Variants in UBAC2 observed in about 807,000 individuals in gnomAD.
UBAC2 encodes ubiquitin-associated domain-containing protein 2.
In UBAC2, 26 loss-of-function variants were observed where a neutral mutation model predicts 44.0. The observed-to-expected ratio is 0.59, with a 90% confidence interval of 0.43 to 0.82. The LOEUF (loss-of-function observed/expected upper bound fraction) is 0.82, where lower values mean the gene tolerates loss of function less well. Ranked by LOEUF, UBAC2 falls within the 40% of genes least tolerant of loss-of-function variation. UBAC2 has a pLI of 0.00. For missense variants in UBAC2, 329 were observed against 419.4 expected, an observed-to-expected ratio of 0.78 and a Z score of 1.88; for synonymous variants, 155 against 154.3, an observed-to-expected ratio of 1.00 and a Z score of -0.04.
intron 1 of UBAC2, among the ~76,000 whole-genome samples, chr13:99,222,500 A>G (rs952657461): frequency 6.6e-6 from 1 of 152,228 alleles, no homozygotes; most frequent in Non-Finnish European, 1.5e-5. Context: ...TATATTAGTA[A>G]TTAATAATTG....
chr13:99,366,496 T>G (rs2045332411), intron 7 of UBAC2, among the ~76,000 whole-genome samples: 1 of 152,224 alleles, frequency 6.6e-6, no homozygotes, highest in Non-Finnish European at 1.5e-5. Flanking sequence ...ACTTTTTTGA[T>G]GGGTTCTGAG....
intron 1 of UBAC2, among the ~76,000 whole-genome samples, chr13:99,227,664 G>GT (rs778660837): frequency 1.6e-4 from 25 of 152,126 alleles, no homozygotes; most frequent in Admixed American, 1.3e-3. Context: ...TATCTACCTT[G>GT]TTTTGTTTGT....
chr13:99,229,229 C>T lies in UBAC2; in HGVS notation c.32-9198C>T, dbSNP rs188268376. The stretch of plus-strand genomic sequence containing the variant: ...ACGAGGGTGCAGAGTGGGGGAAAAG[C>T]CCTTCAGGCTAAAATGGTTCACTCA... On this transcript the variant is annotated intron_variant, in intron 1 of 8. Coordinates refer to ENST00000403766, the MANE Select transcript of UBAC2 (RefSeq NM_001144072.2). Among the ~76,000 whole-genome samples, 338 of 152,252 alleles carry T rather than the reference C, an allele frequency of 2.2e-3. 3 individuals are homozygous for T. Among genetic ancestry groups the T allele is most frequent in the African/African-American group, 7.7e-3 (321 of 41,528 alleles).
chr13:99,204,474 G>C (rs1029431524), intron 1 of UBAC2, among the ~76,000 whole-genome samples: 16 of 152,174 alleles, frequency 1.1e-4, no homozygotes, highest in African/African-American at 3.6e-4. Context: ...AAGTCTTTCA[G>C]AGGACAGTGG....
At chr13:99,324,653 TCTCC>T (rs1193324047) in intron 6 of UBAC2, among the ~76,000 whole-genome samples, 2 of 152,316 alleles carry the variant, frequency 1.3e-5, no homozygotes, top group African/African-American at 2.4e-5. Context: ...TACGGAATAT[TCTCC>T]CTATTATAGA....
chr13:99,380,768 T>C (rs565275776), intron 8 of UBAC2, among the ~76,000 whole-genome samples: 63 of 152,364 alleles, frequency 4.1e-4, no homozygotes, highest in African/African-American at 1.5e-3. Context: ...TGTTTATTCT[T>C]TTTAAAGAAC....
intron 1 of UBAC2, among the ~76,000 whole-genome samples, chr13:99,234,601 C>G (rs78355062): frequency 6.6e-6 from 1 of 152,206 alleles, no homozygotes; most frequent in South Asian, 2.1e-4. Flanking sequence ...TGTCCAATGA[C>G]AAGCATCAGT....
chr13:99,240,318 T>C (rs2043285351), intron 2 of UBAC2, among the ~76,000 whole-genome samples: 1 of 152,232 alleles, frequency 6.6e-6, no homozygotes, highest in Non-Finnish European at 1.5e-5. Context: ...TTTTGTGTCC[T>C]TGAGTATGAT....
chr13:99,346,714 T>G (rs1455244697), intron 7 of UBAC2, among the ~76,000 whole-genome samples: 1 of 152,150 alleles, frequency 6.6e-6, no homozygotes, highest in Non-Finnish European at 1.5e-5. Flanking sequence ...TTCCCCAGCT[T>G]CCTGGGGGGC....
At chr13:99,303,406 A>G (rs1188545870) in intron 4 of UBAC2, among the ~76,000 whole-genome samples, 1 of 152,210 alleles carries the variant, frequency 6.6e-6, no homozygotes, top group East Asian at 1.9e-4. Context: ...GGGGTTTCAC[A>G]TATTCTAGTT....
At chr13:99,296,265 A>G in intron 4 of UBAC2, 1 of 915,954 alleles carries the variant, frequency 1.1e-6, no homozygotes, top group African/African-American at 1.7e-5. Flanking sequence ...AAAGCAATCC[A>G]AACTGTCTTT....
chr13:99,280,016 T>C (rs1209071962), intron 4 of UBAC2, among the ~76,000 whole-genome samples: 2 of 152,236 alleles, frequency 1.3e-5, no homozygotes, highest in African/African-American at 4.8e-5. Context: ...AATAGATTAA[T>C]GAAAAGTATT....
At chr13:99,362,590 C>G (rs1253786898) in intron 7 of UBAC2, among the ~76,000 whole-genome samples, 2 of 152,186 alleles carry the variant, frequency 1.3e-5, no homozygotes, top group East Asian at 1.9e-4. Flanking sequence ...TTTGCCTTTC[C>G]CTAACACTAG....
chr13:99,377,873 C>A (rs1156900390), intron 8 of UBAC2, among the ~76,000 whole-genome samples: 3 of 152,322 alleles, frequency 2.0e-5, no homozygotes, highest in Non-Finnish European at 4.4e-5. Flanking sequence ...AGAGTCAGAG[C>A]CTGGTCCCCT....
chr13:99,346,606 A>G (rs561556476), intron 7 of UBAC2, among the ~76,000 whole-genome samples: 2 of 151,444 alleles, frequency 1.3e-5, no homozygotes, highest in Non-Finnish European at 2.9e-5. Context: ...CCCTGTACCA[A>G]CCCCTTCACC....
At chr13:99,341,919 A>G (rs2044896245) in intron 7 of UBAC2, among the ~76,000 whole-genome samples, 1 of 152,220 alleles carries the variant, frequency 6.6e-6, no homozygotes, top group Non-Finnish European at 1.5e-5. Context: ...GATGACTGAT[A>G]GTTCCATTTC....
chr13:99,228,212 A>G (rs995177827), intron 1 of UBAC2, among the ~76,000 whole-genome samples: 2 of 152,194 alleles, frequency 1.3e-5, no homozygotes, highest in Non-Finnish European at 2.9e-5. Flanking sequence ...AGAGTCACAA[A>G]GGAGCTTGCC....
chr13:99,294,879 A>G (rs1352132873), intron 4 of UBAC2: 9 of 551,140 alleles, frequency 1.6e-5, no homozygotes, highest in African/African-American at 1.3e-4. Context: ...ATTGTGCTTT[A>G]TGTTGTTTGC....
At chr13:99,289,839 A>G (rs1012513489) in intron 4 of UBAC2, among the ~76,000 whole-genome samples, 1 of 152,108 alleles carries the variant, frequency 6.6e-6, no homozygotes, top group Non-Finnish European at 1.5e-5. Flanking sequence ...AACATTGCCA[A>G]ACACTGTGGC....
Sources: gnomAD v4.1 joint callset for allele counts (sites outside exome capture counted in the v4.1 genomes callset) on GRCh38, gnomAD v4.1.1 for gene constraint, MANE v1.5 for transcripts, NCBI Gene and HGNC (gene_info 2026-07-23, HGNC 2026-07-21) for gene names.